The following SH3RF2 variants were observed in gnomAD, a reference collection of about 807,000 sequenced individuals.
The protein encoded by SH3RF2 is E3 ubiquitin-protein ligase SH3RF2.
In SH3RF2, 43 loss-of-function variants were observed where a neutral mutation model predicts 59.0. The observed-to-expected ratio is 0.73, with a 90% CI of 0.57 to 0.94. SH3RF2 has a LOEUF of 0.94. Among genes scored for constraint, SH3RF2 ranks in the 40% least tolerant of loss-of-function variants. SH3RF2 has a pLI of 0.00. For missense variants in SH3RF2, 930 were observed against 940.1 expected (o/e 0.99, Z 0.14); for synonymous variants, 391 against 391.5 (o/e 1.00, Z 0.01).
intron 7 of SH3RF2, among the ~76,000 whole-genome samples, chr5:146,051,214 A>G (rs1015627193): frequency 7.9e-5 from 12 of 152,150 alleles, no homozygotes; most frequent in African/African-American, 2.7e-4. Context: ...AGCAAGGGGG[A>G]TATTAGAAAG....
intron 2 of SH3RF2, among the ~76,000 whole-genome samples, chr5:145,969,798 C>T (rs748595250): frequency 6.6e-6 from 1 of 151,822 alleles, no homozygotes; most frequent in Non-Finnish European, 1.5e-5. Flanking sequence ...GGATCCAAGC[C>T]ATGAGTTGGC....
chr5:146,022,563 C>T lies in SH3RF2; in HGVS notation c.1059+8502C>T, dbSNP rs1407988563. 2.6e-5 allele frequency among the ~76,000 whole-genome samples: 4 copies of T among 152,180 alleles called. No homozygotes were observed. In the East Asian group the frequency reaches 5.8e-4, roughly 22 times the overall value. ...AATATTTTTAACATAACCATGATTC[C>T]ATTATCACACACTAAAAAATGAACA... On this transcript the variant is annotated intron_variant, in intron 5 of 9. Coordinates refer to ENST00000359120, the MANE Select transcript of SH3RF2 (RefSeq NM_152550.4).
At chr5:145,938,465 A>G (rs999104535) in intron 2 of SH3RF2, among the ~76,000 whole-genome samples, 159 bp downstream of exon 2, 1 of 152,238 alleles carries the variant, frequency 6.6e-6, no homozygotes, top group Non-Finnish European at 1.5e-5. Context: ...ACTCAAATAC[A>G]ATGAAAACCT....
chr5:145,951,127 C>T (rs769923033), intron 2 of SH3RF2, among the ~76,000 whole-genome samples: 4 of 152,276 alleles, frequency 2.6e-5, no homozygotes, highest in South Asian at 2.1e-4. Flanking sequence ...AGATGGCTAA[C>T]ATTTTTTAAT....
intron 5 of SH3RF2, among the ~76,000 whole-genome samples, chr5:146,029,110 G>T (rs1479612477): frequency 6.6e-6 from 1 of 152,162 alleles, no homozygotes; most frequent in African/African-American, 2.4e-5. Flanking sequence ...AGAAAAAAAG[G>T]AACTCATTTT....
At chr5:145,944,399 T>G (rs1408015829) in intron 2 of SH3RF2, among the ~76,000 whole-genome samples, 1 of 151,314 alleles carries the variant, frequency 6.6e-6, no homozygotes, top group Non-Finnish European at 1.5e-5. Context: ...CACAGTGCAG[T>G]GCAGTGCAGT....
chr5:145,992,394 C>T (rs2149977576), intron 2 of SH3RF2, among the ~76,000 whole-genome samples: 1 of 152,222 alleles, frequency 6.6e-6, no homozygotes, highest in East Asian at 1.9e-4. Context: ...AAGAGAATTG[C>T]AGGCTTGGGC....
chr5:146,051,053 G>A (rs248781), intron 7 of SH3RF2, among the ~76,000 whole-genome samples: 86,925 of 152,018 alleles, frequency 0.57, 25,586 homozygotes, highest in South Asian at 0.77. Flanking sequence ...TGGCCAACAT[G>A]GTGAAACCTC....
chr5:145,988,772 G>A (rs1310746659), intron 2 of SH3RF2, among the ~76,000 whole-genome samples: 1 of 152,140 alleles, frequency 6.6e-6, no homozygotes, highest in Non-Finnish European at 1.5e-5. Flanking sequence ...CCCAGAAGTG[G>A]ATCATCTGGG....
chr5:145,980,243 C>T (rs17104108), intron 2 of SH3RF2, among the ~76,000 whole-genome samples: 3 of 152,130 alleles, frequency 2.0e-5, no homozygotes, highest in Admixed American at 6.5e-5. Context: ...CCACACGTAA[C>T]GAGGCAGTTG....
chr5:146,008,658 ACT>A (rs1760748706), intron 4 of SH3RF2, among the ~76,000 whole-genome samples: 1 of 152,122 alleles, frequency 6.6e-6, no homozygotes, highest in Non-Finnish European at 1.5e-5. Flanking sequence ...AGTAAAATTT[ACT>A]CTTTTTAACA....
intron 5 of SH3RF2, among the ~76,000 whole-genome samples, chr5:146,039,004 A>C (rs2150009080): frequency 6.6e-6 from 1 of 152,328 alleles, no homozygotes; most frequent in Non-Finnish European, 1.5e-5. Context: ...AGAACCTAGA[A>C]ACAGACACAG....
chr5:145,985,863 G>T (rs773982569), intron 2 of SH3RF2, among the ~76,000 whole-genome samples: 1 of 152,046 alleles, frequency 6.6e-6, no homozygotes, highest in Admixed American at 6.6e-5. Context: ...AATTAGCTGG[G>T]CATGGTGGAG....
chr5:146,050,446 C>G (rs1157392314), intron 7 of SH3RF2, among the ~76,000 whole-genome samples: 1 of 152,134 alleles, frequency 6.6e-6, no homozygotes, highest in Admixed American at 6.5e-5. Flanking sequence ...CCTCATAGAT[C>G]TAAAGTTGTA....
At chr5:146,064,585 G>C (rs1307871739), downstream of SH3RF2, among the ~76,000 whole-genome samples, 3 of 5,904 alleles carry the variant, frequency 5.1e-4, no homozygotes, top group Non-Finnish European at 3.2e-3. Context: ...GGAAGGAAGG[G>C]GGAGAGAGAG....
intron 3 of SH3RF2, 49 bp from the exon 4 acceptor site, chr5:146,004,009 A>ACTG (rs781542100): frequency 5.2e-6 from 8 of 1,528,918 alleles, no homozygotes; most frequent in Non-Finnish European, 7.2e-6. Flanking sequence ...GAGAGCTTTT[A>ACTG]CTGCCTGAAA....
At chr5:146,042,560 G>A (rs1196884012) in intron 5 of SH3RF2, among the ~76,000 whole-genome samples, 3 of 152,150 alleles carry the variant, frequency 2.0e-5, no homozygotes, top group Non-Finnish European at 4.4e-5. Flanking sequence ...AGAGCCACTG[G>A]CCTGAGTCCT....
chr5:146,064,656 GAGAGAAAGAGAAAGAAAGAAAGAAAGAA>G (rs1449765135), downstream of SH3RF2, among the ~76,000 whole-genome samples: 23 of 13,434 alleles, frequency 1.7e-3, 1 homozygote, highest in Non-Finnish European at 5.6e-3. Context: ...GAAAGAGAGA[GAGAGAAAGAGAAAGAAAGAAAGAAAGAA>G]AGAAAGAAAG....
intron 4 of SH3RF2, among the ~76,000 whole-genome samples, chr5:146,010,739 T>A (rs1366600474): frequency 6.6e-6 from 1 of 152,228 alleles, no homozygotes. Flanking sequence ...TGTTTTTTTC[T>A]TGTAAATTTG....
Sources: allele counts gnomAD v4.1 joint callset (sites outside exome capture counted in the v4.1 genomes callset), GRCh38; gene constraint gnomAD v4.1.1; transcripts MANE v1.5; gene names NCBI Gene and HGNC (gene_info 2026-07-23, HGNC 2026-07-21).